Variants in KPNA7 observed in about 807,000 individuals in gnomAD.
The protein encoded by KPNA7 is importin subunit alpha-8.
Under a neutral mutation model 53.7 loss-of-function variants are expected in KPNA7, and 54 were observed. The ratio of observed to expected loss-of-function variants is 1.01; its 90% CI spans 0.81 to 1.26. The LOEUF (loss-of-function observed/expected upper bound fraction) is 1.26, where lower values mean the gene tolerates loss of function less well. KPNA7 is among the 50% of genes most tolerant of loss of function. The probability of loss-of-function intolerance (pLI) is 0.00; values close to 1 mark genes in which losing one functional copy is unlikely to be tolerated. For missense variants in KPNA7, 640 were observed against 644.5 expected (o/e 0.99, Z 0.07); for synonymous variants, 276 against 259.3 (o/e 1.06, Z -0.62).
intron 1 of KPNA7, among the ~76,000 whole-genome samples, chr7:99,207,731 G>A (rs946843669): frequency 2.9e-5 from 4 of 137,768 alleles, no homozygotes; most frequent in African/African-American, 1.1e-4. Flanking sequence ...CGCCTCCCGG[G>A]TTCAAGTGGT....
chr7:99,185,111 T>G lies in KPNA7; in HGVS notation c.952A>C (p.Thr318Pro). 1 of 1,552,036 alleles carries G rather than the reference T, an allele frequency of 6.4e-7. No homozygotes were observed. Among genetic ancestry groups the G allele is most frequent in the Non-Finnish European group, 8.7e-7 (1 of 1,147,080 alleles). ...GNIVTGTDEQ[T>P]QMAIDAGMLN... is the part of the protein sequence containing the mutation. ...ATACCCGCATCAATGGCCATCTGCG[T>G]CTGCTCATCTGTGCCCGTGACAATG... Residue 318 changes from threonine to proline, a missense_variant, in exon 8 of 11, where the codon ACG becomes CCG. Coordinates refer to ENST00000327442, the MANE Select transcript of KPNA7 (RefSeq NM_001145715.3).
intron 1 of KPNA7, among the ~76,000 whole-genome samples, chr7:99,218,631 A>G (rs73157581): frequency 0.05 from 7,563 of 152,280 alleles, 271 homozygotes; most frequent in African/African-American, 0.1. Flanking sequence ...ATCCACCCTC[A>G]AAAACAAGCC....
Position 99,173,710 on chromosome 7 carries a change from AT to A in KPNA7, c.1548del (p.Lys516AsnfsTer17). ...GGTTTAGGAGGTAGGGAGCTTGGCT[AT>A]TTTTTTGCTAAGCATTCATAATCTA... ...EFIDYECLAK[K>X] On this transcript the variant is annotated frameshift_variant, in exon 11 of 11. Transcript: ENST00000327442. LOFTEE classifies it high-confidence loss of function. 1 of 1,548,650 alleles carries A rather than the reference AT, an allele frequency of 6.5e-7. No individual in the cohort carries two copies. Among genetic ancestry groups the A allele is most frequent in the Admixed American group, 2.0e-5 (1 of 50,898 alleles).
downstream of KPNA7, among the ~76,000 whole-genome samples, chr7:99,169,350 T>C (rs941844825): frequency 1.3e-5 from 2 of 152,094 alleles, no homozygotes; most frequent in Non-Finnish European, 1.5e-5. Context: ...CTGGGTACAG[T>C]GGCTCACGCC....
At chr7:99,169,205 T>C (rs377752831), downstream of KPNA7, among the ~76,000 whole-genome samples, 2 of 152,110 alleles carry the variant, frequency 1.3e-5, no homozygotes, top group South Asian at 2.1e-4. Flanking sequence ...TTATTGGAAT[T>C]TTAGCCCCCA....
intron 3 of KPNA7, among the ~76,000 whole-genome samples, chr7:99,202,217 G>A (rs1185933066): frequency 6.6e-6 from 1 of 152,020 alleles, no homozygotes; most frequent in South Asian, 2.1e-4. Flanking sequence ...AACCAAGCAG[G>A]GTAAAAAGGG....
At position 99,180,983 on chromosome 7, in the gene KPNA7, GTCTCTCTCTCCCCGTCTGTC is replaced by G. The variant is rs1338637835; in HGVS notation, c.1317+880_1317+899del. Among the ~76,000 whole-genome samples, 2 of 96,642 alleles carry G rather than the reference GTCTCTCTCTCCCCGTCTGTC, an allele frequency of 2.1e-5. 1 individual carries two copies. Among genetic ancestry groups the G allele is most frequent in the African/African-American group, 8.9e-5 (2 of 22,554 alleles). The allele number at this position is 96,642 out of a possible 152,430, so 63.4% of individuals were successfully genotyped here. ...CCCATCTCTCTCTCTCCCCGTCTGT[GTCTCTCTCTCCCCGTCTGTC>G]TCTCTCTCTCTGTGTGTGTGTCTCT... On this transcript the variant is annotated intron_variant, in intron 9 of 10. Coordinates refer to ENST00000327442, the MANE Select transcript of KPNA7 (RefSeq NM_001145715.3).
At chr7:99,176,691 A>T (rs1584257523) in intron 10 of KPNA7, among the ~76,000 whole-genome samples, 1 of 152,144 alleles carries the variant, frequency 6.6e-6, no homozygotes, top group East Asian at 1.9e-4. Context: ...CCTAGGCAAC[A>T]TGGTGAAACC....
chr7:99,203,877 T>C (rs904199642), intron 2 of KPNA7, among the ~76,000 whole-genome samples: 2 of 151,962 alleles, frequency 1.3e-5, no homozygotes, highest in Non-Finnish European at 2.9e-5. Context: ...CACTCGGCTA[T>C]GTTTTATATT....
Position 99,177,876 on chromosome 7 carries a change from C to T in KPNA7, c.1464+44G>A, listed in dbSNP as rs28667324. On this transcript the variant is annotated intron_variant, in intron 10 of 10. Coordinates refer to ENST00000327442, the MANE Select transcript of KPNA7 (RefSeq NM_001145715.3). The stretch of plus-strand genomic sequence containing the variant: ...AGGGTGACCCTCTGCAGAGCTGCCC[C>T]ACCAAGACCCCTGGATACTCCTCCA... 4.4e-3 allele frequency: 6,861 copies of T among 1,545,468 alleles called. 231 individuals carry two copies. In the African/African-American group the frequency reaches 0.081, roughly 18 times the overall value.
intron 9 of KPNA7, among the ~76,000 whole-genome samples, chr7:99,179,562 T>C (rs1475776298): frequency 6.6e-6 from 1 of 150,812 alleles, no homozygotes; most frequent in African/African-American, 2.4e-5. Context: ...TTTCAAAATA[T>C]ATATATATAT....
chr7:99,179,598 T>C (rs1799072767), intron 9 of KPNA7, among the ~76,000 whole-genome samples: 1 of 151,622 alleles, frequency 6.6e-6, no homozygotes, highest in Non-Finnish European at 1.5e-5. Context: ...TTTTATTTAT[T>C]TTTAGAGACA....
At chr7:99,162,033 T>G in the KPNA7 span, among the ~76,000 whole-genome samples, 10 of 149,744 alleles carry the variant, frequency 6.7e-5, no homozygotes, top group Non-Finnish European at 1.3e-4. Context: ...TAACCAAGAT[T>G]GCAATTTTTT....
At chr7:99,151,362 T>G in the KPNA7 span, among the ~76,000 whole-genome samples, 3 of 152,164 alleles carry the variant, frequency 2.0e-5, no homozygotes, top group African/African-American at 7.2e-5. Context: ...AAAGCACAAT[T>G]TTGTTATTTG....
intron 6 of KPNA7, among the ~76,000 whole-genome samples, chr7:99,191,882 T>A (rs188966092): frequency 6.6e-6 from 1 of 152,288 alleles, no homozygotes; most frequent in Non-Finnish European, 1.5e-5. Flanking sequence ...ACTCCTGACC[T>A]CAGGTGATCC....
At chr7:99,193,792 C>T (rs1040266019) in intron 5 of KPNA7, among the ~76,000 whole-genome samples, 1 of 152,098 alleles carries the variant, frequency 6.6e-6, no homozygotes, top group Non-Finnish European at 1.5e-5. Flanking sequence ...ATTGTCCCAC[C>T]GTAGCCTCCT....
At chr7:99,194,168 T>C (rs1307968203) in intron 5 of KPNA7, among the ~76,000 whole-genome samples, 1 of 152,020 alleles carries the variant, frequency 6.6e-6, no homozygotes, top group African/African-American at 2.4e-5. Flanking sequence ...CCTAATTGAG[T>C]TTTCCCTAGA....
chr7:99,180,538 C>T (rs919469376), intron 9 of KPNA7, among the ~76,000 whole-genome samples: 19 of 36,026 alleles, frequency 5.3e-4, no homozygotes, highest in African/African-American at 9.6e-4. Context: ...TCTCTGTCTC[C>T]GTCTGTCTCC....
intron 2 of KPNA7, among the ~76,000 whole-genome samples, chr7:99,204,760 G>A (rs1299806703): frequency 6.6e-6 from 1 of 152,000 alleles, no homozygotes; most frequent in Non-Finnish European, 1.5e-5. Flanking sequence ...GGAGGCTGAG[G>A]TGGGAGGATC....
Sources: allele counts gnomAD v4.1 joint callset (sites outside exome capture counted in the v4.1 genomes callset), GRCh38; gene constraint gnomAD v4.1.1; transcripts MANE v1.5; gene names NCBI Gene and HGNC (gene_info 2026-07-23, HGNC 2026-07-21).